DNAH5: variants seen among roughly 807,000 people sequenced by gnomAD.
DNAH5 encodes the protein axonemal beta dynein heavy chain 5.
DNAH5 carries 372 observed loss-of-function variants against 518.2 expected under a neutral mutation model. The ratio of observed to expected loss-of-function variants is 0.72; its 90% CI spans 0.66 to 0.78. The LOEUF (loss-of-function observed/expected upper bound fraction) is 0.78, where lower values mean the gene tolerates loss of function less well. DNAH5 is among the 30% of genes least tolerant of loss of function. DNAH5 has a pLI of 0.00. For synonymous variants in DNAH5, 2,039 were observed against 2,025.9 expected (o/e 1.01, Z -0.17); for missense variants, 5,523 against 5,687.0 (o/e 0.97, Z 0.93).
At chr5:13,702,740 G>T (rs1272600553) in intron 76 of DNAH5, among the ~76,000 whole-genome samples, 1 of 152,130 alleles carries the variant, frequency 6.6e-6, no homozygotes, top group African/African-American at 2.4e-5. Context: ...AGGGATGGAG[G>T]GTGGTGTCAT....
chr5:13,980,911 C>T (rs1412515171), intron 1 of DNAH5, among the ~76,000 whole-genome samples: 1 of 152,214 alleles, frequency 6.6e-6, no homozygotes, highest in Non-Finnish European at 1.5e-5. Context: ...TGCATGTGAT[C>T]TTCCCACATC....
chr5:13,710,146 C>A (rs1427020107), intron 75 of DNAH5, among the ~76,000 whole-genome samples: 3 of 152,116 alleles, frequency 2.0e-5, no homozygotes, highest in Admixed American at 1.3e-4. Flanking sequence ...CAAGACTGTG[C>A]AGAAAACCCC....
At chr5:13,998,274 T>C (rs1195460019) in intron 1 of DNAH5, among the ~76,000 whole-genome samples, 2 of 152,318 alleles carry the variant, frequency 1.3e-5, no homozygotes, top group African/African-American at 2.4e-5. Flanking sequence ...GAAGGGCTGA[T>C]GGGACTAACA....
Position 13,727,503 on chromosome 5 carries a change from T to C in DNAH5, c.12033+4A>G, listed in dbSNP as rs746256175. 1.2e-6 allele frequency: 2 copies of C among 1,611,828 alleles called. No individual in the cohort carries two copies. Among genetic ancestry groups the C allele is most frequent in the Admixed American group, 3.3e-5 (2 of 59,930 alleles). On this transcript the variant is annotated splice_donor_region_variant and intron_variant, in intron 70 of 78. Transcript: ENST00000265104. ...CATTTTTCTCTTTAATATGGACTTT[T>C]TACCTGGGCGATGGTTCTGTCAGGA...
At chr5:13,803,732 G>A (rs192018646) in intron 47 of DNAH5, among the ~76,000 whole-genome samples, 13 of 152,318 alleles carry the variant, frequency 8.5e-5, no homozygotes, top group Middle Eastern at 3.4e-3. Context: ...CAAACACAGG[G>A]ATCCCTTGCA....
Position 13,870,882 on chromosome 5 carries a change from T to C in DNAH5, c.3719A>G (p.Asn1240Ser), listed in dbSNP as rs1268963411. The change falls in exon 24 of 79, where the codon AAT (asparagine) becomes AGT (serine). Residue 1240 changes from asparagine to serine, a missense_variant. Physicochemically the swap from Asn to Ser is conservative, Grantham distance 46. Transcript: ENST00000265104. ...CTTAATTGGACGATTTAGTTTCTTA[T>C]TGAATTCTTCAATAAGCATAAAAAT... ...ENIFMLIEEF[N>S]KKLNRPIKDL... is the part of the protein sequence containing the mutation. 10 of 1,613,912 alleles carry C rather than the reference T, an allele frequency of 6.2e-6. No individual in the cohort carries two copies. The highest frequency in any genetic ancestry group is 4.0e-5 in the African/African-American group (3 of 75,042).
chr5:13,703,444 C>T (rs1742392719), intron 76 of DNAH5, among the ~76,000 whole-genome samples: 1 of 152,174 alleles, frequency 6.6e-6, no homozygotes, highest in Admixed American at 6.5e-5. Flanking sequence ...GGTATTCTGG[C>T]CAAGTAAGTG....
intron 1 of DNAH5, among the ~76,000 whole-genome samples, chr5:13,983,295 T>C (rs1232700525): frequency 6.6e-6 from 1 of 152,220 alleles, no homozygotes; most frequent in Non-Finnish European, 1.5e-5. Context: ...CCCACCCTGC[T>C]GGTTCCCATC....
intron 61 of DNAH5, among the ~76,000 whole-genome samples, chr5:13,756,282 G>A (rs1486109046): frequency 1.3e-5 from 2 of 152,226 alleles, no homozygotes; most frequent in Non-Finnish European, 2.9e-5. Context: ...TATGGAGGGA[G>A]AAGAGCAACA....
At position 13,707,734 on chromosome 5, in the gene DNAH5, T is replaced by A. The variant is rs550857650; in HGVS notation, c.13338+389A>T. ...ACTTTTGATGTTAGGGTGAGGCATG[T>A]TTCCTTCTATGAAACCAACATCATG... On this transcript the variant is annotated intron_variant, in intron 76 of 78. Transcript: ENST00000265104. This position sits in a 1 kb window ranked among gnomAD's most constrained non-coding sequence, Gnocchi z 4.0. Among the ~76,000 whole-genome samples the A allele has an allele frequency of 6.6e-6, 1 of 152,156 alleles. No homozygotes were observed. The highest frequency in any genetic ancestry group is 2.4e-5 in the African/African-American group (1 of 41,518).
At chr5:13,871,346 T>A (rs759100474) in intron 23 of DNAH5, among the ~76,000 whole-genome samples, 2 of 152,198 alleles carry the variant, frequency 1.3e-5, no homozygotes, top group Admixed American at 6.5e-5. Context: ...TCTGACTTAG[T>A]CTTTTTTTCA....
chr5:13,902,518 A>G (rs1774772387), intron 12 of DNAH5, among the ~76,000 whole-genome samples: 1 of 152,218 alleles, frequency 6.6e-6, no homozygotes, highest in African/African-American at 2.4e-5. Context: ...TTGATTCACA[A>G]GTTGGGAAAG....
At chr5:13,815,337 C>T (rs1246517046) in intron 42 of DNAH5, among the ~76,000 whole-genome samples, 1 of 152,184 alleles carries the variant, frequency 6.6e-6, no homozygotes, top group South Asian at 2.1e-4. Context: ...ACAGCAAGAA[C>T]AGAAAGTGCT....
chr5:13,765,945 C>T (rs1290705619), intron 59 of DNAH5, 31 bp downstream of exon 59: 1 of 1,602,780 alleles, frequency 6.2e-7, no homozygotes, highest in East Asian at 2.2e-5. Context: ...GAATGAGTTC[C>T]CTCTTAGCCC....
intron 68 of DNAH5, among the ~76,000 whole-genome samples, chr5:13,731,954 GA>G (rs1483910241): frequency 1.3e-5 from 2 of 152,092 alleles, no homozygotes; most frequent in African/African-American, 2.4e-5. Flanking sequence ...GCAACATAAT[GA>G]GACTTCATCT....
intron 31 of DNAH5, among the ~76,000 whole-genome samples, chr5:13,845,788 T>A (rs542396540): frequency 8.6e-5 from 13 of 151,808 alleles, no homozygotes; most frequent in African/African-American, 1.9e-4. Context: ...ATTTTTGCTC[T>A]TCCCTTATCA....
chr5:13,911,312 A>G (rs1384827544), intron 12 of DNAH5, 74 bp downstream of exon 12: 2 of 1,140,280 alleles, frequency 1.8e-6, no homozygotes, highest in African/African-American at 1.5e-5. Flanking sequence ...TGATTGGGTA[A>G]TGATTAACGG....
At chr5:13,777,434 C>T (rs891453119) in intron 53 of DNAH5, 79 bp from the exon 54 acceptor site, 2 of 1,315,504 alleles carry the variant, frequency 1.5e-6, no homozygotes, top group African/African-American at 2.9e-5. Context: ...CGCATTATGC[C>T]ATTTAGCTAA....
At position 13,922,156 on chromosome 5, in the gene DNAH5, T is replaced by G; in HGVS notation, c.611A>C (p.Glu204Ala). The G allele has an allele frequency of 6.2e-7, 1 of 1,614,018 alleles. No individual in the cohort carries two copies. Among genetic ancestry groups the G allele is most frequent in the Non-Finnish European group, 8.5e-7 (1 of 1,179,970 alleles). The change falls in exon 5 of 79, where the codon GAA (glutamate) becomes GCA (alanine). Residue 204 changes from glutamate (E) to alanine (A), a missense_variant. Glu to Ala is a moderately radical substitution (Grantham distance 107, BLOSUM62 -1). Transcript: ENST00000265104. ...ACCCGACAGGACGTTCACAAAGCCT[T>G]CCAGGGAGCTCAAGAACTCCTGGCG... The part of the protein sequence containing the change: ...NIRQEFLSSL[E>A]GFVNVLSGAQ...
Sources: gnomAD v4.1 joint callset for allele counts (sites outside exome capture counted in the v4.1 genomes callset) on GRCh38, gnomAD v4.1.1 for gene constraint, Gnocchi (gnomAD v3.1) non-coding constraint, MANE v1.5 for transcripts, NCBI Gene and HGNC (gene_info 2026-07-23, HGNC 2026-07-21) for gene names.